GLI3: variants seen among roughly 807,000 people sequenced by gnomAD.
GLI3 encodes the protein GLI family zinc finger 3.
A neutral mutation model predicts 100.8 loss-of-function variants in GLI3; 20 were observed. The ratio of observed to expected loss-of-function variants is 0.20; its 90% CI spans 0.14 to 0.29. The LOEUF (loss-of-function observed/expected upper bound fraction) is 0.29, where lower values mean the gene tolerates loss of function less well. Among genes scored for constraint, GLI3 ranks in the 10% least tolerant of loss-of-function variants. GLI3 has a pLI of 1.00. For synonymous variants in GLI3, 938 were observed against 860.5 expected (o/e 1.09, Z -1.58); for missense variants, 2,040 against 2,128.5 (o/e 0.96, Z 0.82).
chr7:42,112,173 C>G lies in GLI3; in HGVS notation c.368-35316G>C, dbSNP rs958217555. Among the ~76,000 whole-genome samples the G allele has an allele frequency of 4.6e-5, 7 of 152,190 alleles. No homozygotes were observed. The East Asian group carries it at 9.6e-4, about 21-fold the overall frequency. ...CATGGACTCTTTCTGGAAACCAACG[C>G]TTTTTCTCCAAATGCATTATGCCTC... On this transcript the variant is annotated intron_variant, in intron 3 of 14. Transcript: ENST00000395925.
At chr7:42,176,584 C>T (rs192063453) in intron 2 of GLI3, among the ~76,000 whole-genome samples, 2 of 152,380 alleles carry the variant, frequency 1.3e-5, no homozygotes, top group East Asian at 3.9e-4. Context: ...TCTGCCAGAA[C>T]AATCTGCTTC....
At chr7:42,138,238 C>T (rs1786477119) in intron 3 of GLI3, among the ~76,000 whole-genome samples, 1 of 152,190 alleles carries the variant, frequency 6.6e-6, no homozygotes, top group Non-Finnish European at 1.5e-5. Flanking sequence ...GTCACGTCAG[C>T]AGTGTTATCA....
At chr7:41,990,999 T>C (rs1787972680) in intron 10 of GLI3, among the ~76,000 whole-genome samples, 1 of 151,896 alleles carries the variant, frequency 6.6e-6, no homozygotes, top group Admixed American at 6.6e-5. Flanking sequence ...AATTATCCCT[T>C]TGGAAATCTG....
At chr7:41,995,805 T>G (rs915250692) in intron 10 of GLI3, among the ~76,000 whole-genome samples, 3 of 152,170 alleles carry the variant, frequency 2.0e-5, no homozygotes, top group African/African-American at 7.2e-5. Context: ...AAAGCATCCA[T>G]GCAGACATGC....
At chr7:42,005,759 T>G (rs1788443358) in intron 10 of GLI3, among the ~76,000 whole-genome samples, 1 of 152,148 alleles carries the variant, frequency 6.6e-6, no homozygotes, top group Non-Finnish European at 1.5e-5. Flanking sequence ...TCTCTCTAAC[T>G]TCCTGTTCAA....
rs377274916 is a variant in GLI3, at chr7:41,966,666, C to A, written c.2432-25G>T. The A allele has an allele frequency of 6.1e-5, 98 of 1,612,896 alleles. No homozygotes were observed. Among genetic ancestry groups the A allele is most frequent in the Non-Finnish European group, 7.5e-5 (88 of 1,179,392 alleles). ...CCTGGAGACAGAGAAAGGGAGAGAC[C>A]ATGCGGAGATGAATTCCCTTCGAGC... On this transcript the variant is annotated intron_variant, in intron 14 of 14. Transcript: ENST00000395925. This position sits in a 1 kb window ranked among gnomAD's most constrained non-coding sequence, Gnocchi z 5.8.
chr7:42,202,168 T>C lies in GLI3; in HGVS notation c.124+20962A>G, dbSNP rs527948552. On this transcript the variant is annotated intron_variant, in intron 2 of 14. Coordinates refer to ENST00000395925, the MANE Select transcript of GLI3 (RefSeq NM_000168.6). ...CCATTGTTGATCCATCATCTTCATG[T>C]GGCTCATGAATGCATTTTTTTAAAA... 2.0e-5 allele frequency among the ~76,000 whole-genome samples: 3 copies of C among 151,972 alleles called. No homozygotes were observed. The East Asian group carries it at 5.8e-4, about 29-fold the overall frequency.
intron 3 of GLI3, among the ~76,000 whole-genome samples, chr7:42,093,595 CT>C (rs1212129123): frequency 6.6e-6 from 1 of 152,088 alleles, no homozygotes; most frequent in East Asian, 1.9e-4. Flanking sequence ...AATTTCAGTG[CT>C]TATGGCTCTT....
chr7:41,971,917 A>G (rs1314926778), intron 13 of GLI3, among the ~76,000 whole-genome samples: 1 of 152,114 alleles, frequency 6.6e-6, no homozygotes, highest in African/African-American at 2.4e-5. Flanking sequence ...ACTGCACGGT[A>G]TTTGTTTTTC....
chr7:42,153,795 CA>C (rs1270202669), intron 2 of GLI3, among the ~76,000 whole-genome samples: 1 of 152,164 alleles, frequency 6.6e-6, no homozygotes, highest in Non-Finnish European at 1.5e-5. Context: ...CCCTCACAAG[CA>C]AACATCTTCC....
intron 7 of GLI3, 152 bp from the exon 8 acceptor site, chr7:42,026,564 C>T: frequency 1.4e-6 from 1 of 702,632 alleles, no homozygotes; most frequent in Non-Finnish European, 2.5e-6. Flanking sequence ...ATCTTGAAAA[C>T]TTCTAAGAGA....
rs12669176 is a variant in GLI3 at position 42,192,830 on chromosome 7, G to C, written c.124+30300C>G. ...AGCACCACCTTGAATTCGTGCCTTT[G>C]GCAGTCCCTTCTCTACCACTTAGCA... On this transcript the variant is annotated intron_variant, in intron 2 of 14. Transcript: ENST00000395925. Among the ~76,000 whole-genome samples the C allele has an allele frequency of 4.9e-3, 747 of 152,248 alleles. 13 individuals are homozygous for C. In the East Asian group the frequency reaches 0.072, roughly 15 times the overall value.
At chr7:41,995,913 A>C (rs1161978868) in intron 10 of GLI3, among the ~76,000 whole-genome samples, 2 of 152,208 alleles carry the variant, frequency 1.3e-5, no homozygotes, top group African/African-American at 4.8e-5. Flanking sequence ...CCAGTAACCA[A>C]CATTACAAGG....
At chr7:42,181,879 G>A (rs112917182) in intron 2 of GLI3, among the ~76,000 whole-genome samples, 314 of 152,238 alleles carry the variant, frequency 2.1e-3, no homozygotes, top group Middle Eastern at 0.02. Context: ...TCCATGTACC[G>A]AACTTTCCAG....
intron 3 of GLI3, chr7:42,113,455 A>C: frequency 1.3e-6 from 1 of 746,814 alleles, no homozygotes; most frequent in South Asian, 1.4e-5. Flanking sequence ...GTTGTCTGCT[A>C]AACCTGCTCC....
At chr7:42,142,155 C>T (rs1786584017) in intron 3 of GLI3, among the ~76,000 whole-genome samples, 1 of 152,124 alleles carries the variant, frequency 6.6e-6, no homozygotes, top group Non-Finnish European at 1.5e-5. Flanking sequence ...TAAGATGGCT[C>T]TTAGAGACTT....
At chr7:42,135,252 C>A (rs1763349745) in intron 3 of GLI3, among the ~76,000 whole-genome samples, 1 of 152,178 alleles carries the variant, frequency 6.6e-6, no homozygotes, top group Non-Finnish European at 1.5e-5. Context: ...TCTAAAAATT[C>A]ATCCCTCTGA....
chr7:42,143,914 T>C (rs1786634367), intron 3 of GLI3, among the ~76,000 whole-genome samples: 1 of 152,228 alleles, frequency 6.6e-6, no homozygotes, highest in Admixed American at 6.5e-5. Context: ...GGCATCTTTC[T>C]GCTCCCTTTA....
At chr7:42,052,687 A>G (rs1451419684) in intron 4 of GLI3, among the ~76,000 whole-genome samples, 1 of 152,198 alleles carries the variant, frequency 6.6e-6, no homozygotes, top group Non-Finnish European at 1.5e-5. Context: ...CTCAGAAAAA[A>G]AAAAGTCCAA....
Sources: allele counts gnomAD v4.1 joint callset (sites outside exome capture counted in the v4.1 genomes callset), GRCh38; gene constraint gnomAD v4.1.1; non-coding constraint Gnocchi (gnomAD v3.1); transcripts MANE v1.5; gene names NCBI Gene and HGNC (gene_info 2026-07-23, HGNC 2026-07-21).